Variants in ROBO2 observed in about 807,000 individuals in gnomAD.
The protein encoded by ROBO2 is roundabout homolog 2.
A neutral mutation model predicts 160.8 loss-of-function variants in ROBO2; 53 were observed. The observed-to-expected ratio is 0.33, with a 90% CI of 0.26 to 0.41. ROBO2 has a LOEUF of 0.41. ROBO2 is among the 10% of genes least tolerant of loss of function. The pLI is 1.00. For missense variants in ROBO2, 1,577 were observed against 1,722.4 expected (o/e 0.92, Z 1.49); for synonymous variants, 664 against 611.7 (o/e 1.09, Z -1.26).
At chr3:76,315,026 T>G (rs2071890044) in intron 2 of ROBO2, among the ~76,000 whole-genome samples, 1 of 152,132 alleles carries the variant, frequency 6.6e-6, no homozygotes, top group African/African-American at 2.4e-5. Flanking sequence ...GTCTAGAAGA[T>G]GTAAGTGGGT....
chr3:76,509,970 G>A (rs371660622), intron 2 of ROBO2, among the ~76,000 whole-genome samples: 7 of 152,058 alleles, frequency 4.6e-5, no homozygotes, highest in South Asian at 4.2e-4. Context: ...TCCCCAAGGC[G>A]AATATAGACT....
At chr3:75,989,844 G>T (rs966686970) in intron 2 of ROBO2, among the ~76,000 whole-genome samples, 9 of 152,228 alleles carry the variant, frequency 5.9e-5, no homozygotes, top group Non-Finnish European at 1.2e-4. Context: ...CACACATTCT[G>T]TGATTGGTGG....
intron 2 of ROBO2, among the ~76,000 whole-genome samples, chr3:76,426,229 T>C (rs2076215047): frequency 6.6e-6 from 1 of 152,192 alleles, no homozygotes; most frequent in Non-Finnish European, 1.5e-5. Context: ...ATTTGACTAG[T>C]ACCACTTTGA....
chr3:77,563,640 G>A (rs1212820945), intron 11 of ROBO2, among the ~76,000 whole-genome samples: 2 of 152,002 alleles, frequency 1.3e-5, no homozygotes, highest in Admixed American at 1.3e-4. Context: ...ATCTGAACTG[G>A]GTAGAAAATA....
At chr3:76,015,942 T>C (rs1204861404) in intron 2 of ROBO2, among the ~76,000 whole-genome samples, 2 of 152,178 alleles carry the variant, frequency 1.3e-5, no homozygotes, top group Admixed American at 1.3e-4. Flanking sequence ...TTTGCACACA[T>C]AGTCTTATAT....
At chr3:77,217,311 T>C (rs1202506579) in intron 2 of ROBO2, among the ~76,000 whole-genome samples, 1 of 152,012 alleles carries the variant, frequency 6.6e-6, no homozygotes, top group East Asian at 1.9e-4. Context: ...CCTGGCTACT[T>C]TTTGTATTTT....
intron 13 of ROBO2, among the ~76,000 whole-genome samples, chr3:77,569,036 A>G (rs1218383810): frequency 2.6e-5 from 4 of 151,872 alleles, no homozygotes; most frequent in African/African-American, 9.7e-5. Flanking sequence ...GATACTTCAC[A>G]TTCTGTTTAT....
At chr3:75,933,256 G>A (rs565226040) in intron 1 of ROBO2, among the ~76,000 whole-genome samples, 116 of 152,260 alleles carry the variant, frequency 7.6e-4, no homozygotes, top group African/African-American at 2.5e-3. Context: ...TGTTTTTCTG[G>A]CTTAGACTGT....
chr3:76,508,071 G>A (rs1188383966), intron 2 of ROBO2, among the ~76,000 whole-genome samples: 1 of 152,054 alleles, frequency 6.6e-6, no homozygotes, highest in African/African-American at 2.4e-5. Flanking sequence ...TAGCATAATA[G>A]AGATCCATGA....
chr3:77,528,687 G>A (rs1025907092), intron 6 of ROBO2, among the ~76,000 whole-genome samples: 4 of 151,558 alleles, frequency 2.6e-5, no homozygotes, highest in African/African-American at 9.7e-5. Context: ...TATGTGAAAG[G>A]CATTCTGTAT....
intron 2 of ROBO2, among the ~76,000 whole-genome samples, chr3:76,528,869 A>G (rs1457246580): frequency 1.3e-5 from 2 of 152,246 alleles, no homozygotes; most frequent in East Asian, 3.9e-4. Context: ...TAGAGGCAAA[A>G]TGCAAAGTGC....
At chr3:76,599,644 G>A (rs2086983799) in intron 2 of ROBO2, among the ~76,000 whole-genome samples, 1 of 152,130 alleles carries the variant, frequency 6.6e-6, no homozygotes, top group Non-Finnish European at 1.5e-5. Context: ...CACAATGGTT[G>A]AACTAATTTA....
At chr3:77,495,499 T>C (rs944867259) in intron 5 of ROBO2, among the ~76,000 whole-genome samples, 1 of 152,186 alleles carries the variant, frequency 6.6e-6, no homozygotes, top group African/African-American at 2.4e-5. Context: ...CAGGTAATTA[T>C]TGGGTTGGGT....
intron 2 of ROBO2, among the ~76,000 whole-genome samples, chr3:76,998,899 A>G (rs139387856): frequency 5.1e-4 from 78 of 152,316 alleles, no homozygotes; most frequent in African/African-American, 1.7e-3. Context: ...ACACTTTTTA[A>G]TGGATCTTAA....
chr3:76,663,770 T>G (rs1281670902), intron 2 of ROBO2, among the ~76,000 whole-genome samples: 1 of 151,852 alleles, frequency 6.6e-6, no homozygotes, highest in Non-Finnish European at 1.5e-5. Flanking sequence ...AGTTAAGACA[T>G]AAGAGATAGT....
intron 2 of ROBO2, among the ~76,000 whole-genome samples, chr3:77,466,006 T>A (rs1329492841): frequency 6.6e-6 from 1 of 152,160 alleles, no homozygotes; most frequent in East Asian, 1.9e-4. Context: ...TGAAGATTTA[T>A]GGTAGATGGG....
intron 2 of ROBO2, among the ~76,000 whole-genome samples, chr3:76,807,345 C>T (rs544404053): frequency 6.6e-5 from 10 of 151,934 alleles, no homozygotes; most frequent in Non-Finnish European, 1.2e-4. Context: ...CTACTGTGTT[C>T]GCCCCTGAAA....
chr3:76,629,617 A>G (rs12493065), intron 2 of ROBO2, among the ~76,000 whole-genome samples: 95,464 of 151,902 alleles, frequency 0.63, 30,284 homozygotes, highest in East Asian at 0.73. Context: ...TTGAGGGTGA[A>G]TCTGCCTTTC....
At chr3:77,445,804 T>TG (rs2080438228) in intron 2 of ROBO2, among the ~76,000 whole-genome samples, 2 of 120,016 alleles carry the variant, frequency 1.7e-5, no homozygotes, top group African/African-American at 5.3e-5. Context: ...GTTTTTTTTT[T>TG]TTTTTTTGCT....
Sources: allele counts gnomAD v4.1 joint callset (sites outside exome capture counted in the v4.1 genomes callset), GRCh38; gene constraint gnomAD v4.1.1; transcripts MANE v1.5; gene names NCBI Gene and HGNC (gene_info 2026-07-23, HGNC 2026-07-21).